FFAR4: variants seen among roughly 807,000 people sequenced by gnomAD.
The protein encoded by FFAR4 is G-protein coupled receptor 120.
FFAR4 carries 19 observed loss-of-function variants against 27.0 expected under a neutral mutation model. That is an observed-to-expected ratio of 0.70 (90% CI 0.49 to 1.03). FFAR4 has a LOEUF of 1.03. FFAR4 is among the 50% of genes least tolerant of loss of function. The pLI is 0.00. For missense variants in FFAR4, 476 were observed against 479.0 expected (o/e 0.99, Z 0.06); for synonymous variants, 254 against 215.6 (o/e 1.18, Z -1.56).
At chr10:93,572,452 C>T (rs942632819) in intron 1 of FFAR4, among the ~76,000 whole-genome samples, 7 of 151,988 alleles carry the variant, frequency 4.6e-5, no homozygotes, top group Admixed American at 3.9e-4. Flanking sequence ...GGGCAAAAGA[C>T]GGTGCTGGAA....
chr10:93,581,091 G>C (rs1382638550), intron 2 of FFAR4, among the ~76,000 whole-genome samples: 1 of 152,238 alleles, frequency 6.6e-6, no homozygotes, highest in African/African-American at 2.4e-5. Context: ...CAGAATGGAA[G>C]AGCAGCGTGG....
chr10:93,568,382 T>C (rs1412284310), intron 1 of FFAR4, among the ~76,000 whole-genome samples: 1 of 152,142 alleles, frequency 6.6e-6, no homozygotes, highest in East Asian at 1.9e-4. Context: ...GGCCTCCCCT[T>C]CCCTGCCGGG....
Position 93,576,235 on chromosome 10 carries a change from G to C in FFAR4, c.696+16G>C, listed in dbSNP as rs767297802. 5 of 1,613,574 alleles carry C rather than the reference G, an allele frequency of 3.1e-6. No homozygotes were observed. The East Asian group carries it at 1.1e-4, about 36-fold the overall frequency. ...AATTTTACAGGTATGTTTTCTGCAA[G>C]TGCTGCCACTGAACTTCACCCAGGC... On this transcript the variant is annotated intron_variant, in intron 2 of 2. Coordinates refer to ENST00000371481, the MANE Select transcript of FFAR4 (RefSeq NM_001195755.2).
At chr10:93,582,071 A>G (rs2058200481) in intron 2 of FFAR4, among the ~76,000 whole-genome samples, 1 of 152,216 alleles carries the variant, frequency 6.6e-6, no homozygotes, top group Admixed American at 6.5e-5. Flanking sequence ...CACATCAAGC[A>G]TTCTGCCCAG....
At chr10:93,571,019 G>C (rs1488460803) in intron 1 of FFAR4, among the ~76,000 whole-genome samples, 1 of 152,188 alleles carries the variant, frequency 6.6e-6, no homozygotes, top group Non-Finnish European at 1.5e-5. Flanking sequence ...AAGCACATAA[G>C]AATTGCTAGC....
At chr10:93,571,973 G>C (rs2134542063) in intron 1 of FFAR4, among the ~76,000 whole-genome samples, 1 of 152,316 alleles carries the variant, frequency 6.6e-6, no homozygotes, top group Admixed American at 6.5e-5. Context: ...AAATAAGTCA[G>C]GCAGTGTGGG....
intron 2 of FFAR4, among the ~76,000 whole-genome samples, chr10:93,585,322 G>A (rs1007994187): frequency 2.0e-5 from 3 of 152,194 alleles, no homozygotes; most frequent in African/African-American, 7.2e-5. Context: ...AGGTGTGCAA[G>A]GATACGCATG....
chr10:93,587,681 A>G lies in FFAR4; in HGVS notation c.*72A>G. On this transcript the variant is annotated 3_prime_UTR_variant, in exon 3 of 3. Coordinates refer to ENST00000371481, the MANE Select transcript of FFAR4 (RefSeq NM_001195755.2). ...CTTTTAAACAGAGTTCATTTCCAGTACCCTCCATCAGTGCACCCTGCTTTA... is the reference window on the plus strand; with the variant it reads ...CTTTTAAACAGAGTTCATTTCCAGTGCCCTCCATCAGTGCACCCTGCTTTA... 6.9e-7 allele frequency: 1 copy of G among 1,439,318 alleles called. No homozygotes were observed. The highest frequency in any genetic ancestry group is 2.3e-5 in the East Asian group (1 of 43,996). The allele number at this position is 1,439,318 out of a possible 1,614,324, so 89.2% of individuals were successfully genotyped here.
At chr10:93,583,590 C>G (rs2134555173) in intron 2 of FFAR4, among the ~76,000 whole-genome samples, 1 of 151,998 alleles carries the variant, frequency 6.6e-6, no homozygotes, top group Non-Finnish European at 1.5e-5. Flanking sequence ...AGAAGGATTC[C>G]CATGGGCAGA....
At chr10:93,585,959 C>T (rs11812257) in intron 2 of FFAR4, among the ~76,000 whole-genome samples, 3,415 of 152,306 alleles carry the variant, frequency 0.022, 115 homozygotes, top group African/African-American at 0.077. Context: ...AGACTAGGAT[C>T]CATTTTCTCC....
At chr10:93,581,713 G>A (rs2058198340) in intron 2 of FFAR4, among the ~76,000 whole-genome samples, 1 of 152,172 alleles carries the variant, frequency 6.6e-6, no homozygotes, top group African/African-American at 2.4e-5. Flanking sequence ...AATCACCCGG[G>A]GAGTTTAGGA....
chr10:93,578,373 T>C (rs571016609), intron 2 of FFAR4, among the ~76,000 whole-genome samples: 26 of 132,168 alleles, frequency 2.0e-4, no homozygotes, highest in Non-Finnish European at 3.5e-4. Flanking sequence ...GCCGAGATCG[T>C]GCCACTGCAC....
intron 1 of FFAR4, among the ~76,000 whole-genome samples, chr10:93,570,625 C>T (rs189705617): frequency 2.7e-3 from 408 of 152,276 alleles, no homozygotes; most frequent in African/African-American, 7.3e-3. Context: ...GAGCGCTGGC[C>T]AAGGAAACTG....
At position 93,586,278 on chromosome 10, in the gene FFAR4, G is replaced by A. The variant is rs1350600633; in HGVS notation, c.697-942G>A. On this transcript the variant is annotated intron_variant, in intron 2 of 2. Coordinates refer to ENST00000371481, the MANE Select transcript of FFAR4 (RefSeq NM_001195755.2). The stretch of plus-strand genomic sequence containing the variant: ...TGGTTTTATAAGGGTCTCCCCCTTC[G>A]CTTGGTTCTCATTCTTCTCCTTCCT... 2.0e-5 allele frequency among the ~76,000 whole-genome samples: 3 copies of A among 152,070 alleles called. 1 individual carries two copies. Among genetic ancestry groups the A allele is most frequent in the Non-Finnish European group, 2.9e-5 (2 of 68,028 alleles).
chr10:93,567,876 A>G (rs567572183), intron 1 of FFAR4, among the ~76,000 whole-genome samples: 1 of 152,092 alleles, frequency 6.6e-6, no homozygotes, highest in Admixed American at 6.5e-5. Flanking sequence ...TCTTTAGGGG[A>G]CTTGTGACAG....
chr10:93,579,067 G>C, intron 2 of FFAR4: 1 of 1,141,024 alleles, frequency 8.8e-7, no homozygotes, highest in Admixed American at 1.7e-5. Flanking sequence ...TGGGGCAGCT[G>C]TCCTTTTAGC....
chr10:93,576,212 T>A lies in FFAR4; in HGVS notation c.689T>A (p.Ile230Asn). The A allele has an allele frequency of 6.2e-7, 1 of 1,614,062 alleles. No individual in the cohort carries two copies. Among genetic ancestry groups the A allele is most frequent in the Non-Finnish European group, 8.5e-7 (1 of 1,179,944 alleles). The part of the protein sequence containing the change: ...GLVIVISYSK[I>N]LQITKASRKR... The stretch of plus-strand genomic sequence containing the variant: ...GTCATTGTGATCAGTTACTCCAAAA[T>A]TTTACAGGTATGTTTTCTGCAAGTG... Residue 230 changes from isoleucine (I) to asparagine (N), a missense_variant, in exon 2 of 3, where the codon ATT becomes AAT. Transcript: ENST00000371481.
In FFAR4 at chr10:93,566,923, G is replaced by A. The variant is rs1339405744; in HGVS notation, c.203G>A (p.Arg68Gln). The change falls in exon 1 of 3, where the codon CGA becomes CAA. Residue 68 changes from arginine to glutamine, a missense_variant. Coordinates refer to ENST00000371481, the MANE Select transcript of FFAR4 (RefSeq NM_001195755.2). Reference sequence around the variant, plus strand: ...TGCGCCCTGGTGCTGGTGGCGCGCCGACGACGCCGCGGCGCGACTGCCTGC... The same window carrying A: ...TGCGCCCTGGTGCTGGTGGCGCGCCAACGACGCCGCGGCGCGACTGCCTGC... ...NVCALVLVAR[R>Q]RRRGATACLV... 1 of 1,609,430 alleles carries A rather than the reference G, an allele frequency of 6.2e-7. No individual in the cohort carries two copies. The highest frequency in any genetic ancestry group is 1.1e-5 in the South Asian group (1 of 90,652).
intron 2 of FFAR4, among the ~76,000 whole-genome samples, chr10:93,577,086 T>C (rs533063596): frequency 3.9e-5 from 6 of 152,046 alleles, no homozygotes; most frequent in Non-Finnish European, 8.8e-5. Context: ...AAAACAAATA[T>C]GTACAGGGAC....
Sources: gnomAD v4.1 joint callset for allele counts (sites outside exome capture counted in the v4.1 genomes callset) on GRCh38, gnomAD v4.1.1 for gene constraint, MANE v1.5 for transcripts, NCBI Gene and HGNC (gene_info 2026-07-23, HGNC 2026-07-21) for gene names.